PPP1R12A: variants seen among roughly 807,000 people sequenced by gnomAD.
The protein encoded by PPP1R12A is protein phosphatase 1 regulatory subunit 12A, also known as myosin binding subunit.
In PPP1R12A, 19 loss-of-function variants were observed where a neutral mutation model predicts 139.6. The ratio of observed to expected loss-of-function variants is 0.14; its 90% CI spans 0.09 to 0.20. PPP1R12A has a LOEUF of 0.20. Ranked by LOEUF, PPP1R12A falls within the 10% of genes least tolerant of loss-of-function variation. PPP1R12A has a pLI of 1.00. For synonymous variants in PPP1R12A, 427 were observed against 420.6 expected (o/e 1.02, Z -0.19); for missense variants, 925 against 1,211.5 (o/e 0.76, Z 3.51).
chr12:79,825,647 A>T (rs1213828794), intron 5 of PPP1R12A, among the ~76,000 whole-genome samples: 3 of 151,826 alleles, frequency 2.0e-5, no homozygotes, highest in Admixed American at 6.6e-5. Flanking sequence ...CATGTTTTCT[A>T]GTACTAAATA....
chr12:79,863,591 C>G (rs1881600818), intron 2 of PPP1R12A, among the ~76,000 whole-genome samples: 1 of 119,424 alleles, frequency 8.4e-6, no homozygotes, highest in Non-Finnish European at 1.6e-5. Flanking sequence ...TGCAAAGACA[C>G]ATATAGGCTC....
Position 79,774,877 on chromosome 12 carries a change from CAAGT to C in PPP1R12A, c.*1048_*1051del, listed in dbSNP as rs1283013237. 2.0e-5 allele frequency: 3 copies of C among 152,304 alleles called. No individual in the cohort carries two copies. Among genetic ancestry groups the C allele is most frequent in the African/African-American group, 7.2e-5 (3 of 41,412 alleles). The allele number at this position is 152,304 out of a possible 1,614,324, so 9.4% of individuals were successfully genotyped here. A position where few individuals can be genotyped will look rare whatever the true frequency, so the allele number is the denominator to read the frequency against. The stretch of plus-strand genomic sequence containing the variant: ...AACTTTAATTATGGTTGAGTACTAT[CAAGT>C]GAAAACTGAAAATAAAAGCACTTTA... On this transcript the variant is annotated 3_prime_UTR_variant, in exon 25 of 25. Transcript: ENST00000450142.
intron 1 of PPP1R12A, among the ~76,000 whole-genome samples, chr12:79,881,069 C>T (rs1883594162): frequency 6.6e-6 from 1 of 152,110 alleles, no homozygotes; most frequent in Non-Finnish European, 1.5e-5. Context: ...ACTCCACAAA[C>T]CGGCAGTTCC....
intron 2 of PPP1R12A, among the ~76,000 whole-genome samples, chr12:79,856,952 G>A (rs1291471262): frequency 6.6e-6 from 1 of 152,210 alleles, no homozygotes; most frequent in African/African-American, 2.4e-5. Flanking sequence ...TATAAATACA[G>A]TGGTAGCCAG....
intron 22 of PPP1R12A, among the ~76,000 whole-genome samples, chr12:79,785,551 T>C (rs1308117402): frequency 6.6e-6 from 1 of 152,176 alleles, no homozygotes; most frequent in Non-Finnish European, 1.5e-5. Flanking sequence ...TTTAGATCCA[T>C]GCTTTCAGCT....
intron 1 of PPP1R12A, among the ~76,000 whole-genome samples, chr12:79,899,451 C>T (rs1388048728): frequency 6.6e-6 from 1 of 151,898 alleles, no homozygotes; most frequent in African/African-American, 2.4e-5. Flanking sequence ...AAATGAGTGG[C>T]CATTCTAAAA....
chr12:79,907,368 T>TG (rs1285283296), intron 1 of PPP1R12A, among the ~76,000 whole-genome samples: 4 of 151,904 alleles, frequency 2.6e-5, no homozygotes, highest in African/African-American at 9.7e-5. Context: ...CTTTAAAAAT[T>TG]GGGGGGGAAA....
At chr12:79,910,839 G>C (rs1018959116) in intron 1 of PPP1R12A, among the ~76,000 whole-genome samples, 1 of 152,142 alleles carries the variant, frequency 6.6e-6, no homozygotes, top group Non-Finnish European at 1.5e-5. Flanking sequence ...TTACTGATTT[G>C]AAAAGGGAAA....
At chr12:79,807,085 A>G (rs1439826226) in intron 12 of PPP1R12A, 141 bp downstream of exon 12, 3 of 532,874 alleles carry the variant, frequency 5.6e-6, no homozygotes, top group Admixed American at 7.4e-5. Context: ...CTGTGTTTAG[A>G]GTAAGTTTTA....
At chr12:79,932,059 A>C (rs1218490975) in intron 1 of PPP1R12A, among the ~76,000 whole-genome samples, 1 of 152,198 alleles carries the variant, frequency 6.6e-6, no homozygotes, top group African/African-American at 2.4e-5. Flanking sequence ...TCTCTTGACA[A>C]TGAAATTTAG....
At chr12:79,804,959 G>A (rs534394778) in intron 14 of PPP1R12A, among the ~76,000 whole-genome samples, 2 of 152,286 alleles carry the variant, frequency 1.3e-5, no homozygotes, top group South Asian at 2.1e-4. Flanking sequence ...TTCCATGCCA[G>A]TAGGCAGCAA....
rs116419043 is a variant in PPP1R12A at position 79,815,515 on chromosome 12, C to T, written c.1239+1879G>A. 5.1e-3 allele frequency among the ~76,000 whole-genome samples: 757 copies of T among 149,312 alleles called. 4 individuals are homozygous for T. Among genetic ancestry groups the T allele is most frequent in the African/African-American group, 0.018 (721 of 40,448 alleles). On this transcript the variant is annotated intron_variant, in intron 9 of 24. Transcript: ENST00000450142. Reference sequence around the variant, plus strand: ...CAGCCTGGGTGACAGAGCAAGACTGCCTCAAAAAGAAAAAAAAAAAAAAAG... The same window carrying T: ...CAGCCTGGGTGACAGAGCAAGACTGTCTCAAAAAGAAAAAAAAAAAAAAAG...
rs1427312866 is a variant in PPP1R12A, at chr12:79,805,702, C to G, written c.1890G>C (p.Val630=). 3 of 1,613,520 alleles carry G rather than the reference C, an allele frequency of 1.9e-6. No homozygotes were observed. The highest frequency in any genetic ancestry group is 1.3e-5 in the African/African-American group (1 of 75,038). ...EKEKDSVPTA[V]TIPVAPTVVN... The stretch of plus-strand genomic sequence containing the variant: ...CAACAGTTGGAGCAACAGGAATGGT[C>G]ACTGCCGTAGGAACACTGTCCTTTT... Residue 630 remains valine (V), a synonymous_variant, in exon 14 of 25, where the codon GTG becomes GTC. Transcript: ENST00000450142.
chr12:79,927,412 T>C (rs1189738733), intron 1 of PPP1R12A, among the ~76,000 whole-genome samples: 4 of 152,222 alleles, frequency 2.6e-5, no homozygotes, highest in African/African-American at 9.6e-5. Context: ...CTGAGATTAA[T>C]TTAGATACAG....
intron 22 of PPP1R12A, chr12:79,782,100 G>T: frequency 6.5e-6 from 2 of 307,386 alleles, no homozygotes; most frequent in Non-Finnish European, 1.2e-5. Flanking sequence ...TTTTCCCCAG[G>T]AACTTTCATA....
intron 4 of PPP1R12A, 43 bp from the exon 5 acceptor site, chr12:79,828,507 A>T: frequency 7.1e-7 from 1 of 1,411,072 alleles, no homozygotes; most frequent in Non-Finnish European, 9.6e-7. Context: ...AAAATCTAGA[A>T]ATAAATGATC....
chr12:79,797,284 G>C lies in PPP1R12A; in HGVS notation c.2203C>G (p.Gln735Glu). 3 of 1,587,998 alleles carry C rather than the reference G, an allele frequency of 1.9e-6. No individual in the cohort carries two copies. The South Asian group carries it at 3.4e-5, about 18-fold the overall frequency. Residue 735 changes from glutamine to glutamate, a missense_variant, in exon 16 of 25, where the codon CAA becomes GAA. By Grantham distance (29) the Gln-to-Glu change is conservative. This residue lies in a region of PPP1R12A where 315 missense variants were observed against 363.4 expected (regional missense o/e 0.87). Coordinates refer to ENST00000450142, the MANE Select transcript of PPP1R12A (RefSeq NM_002480.3). Reference protein sequence around the residue: ...EEKEKEEKEKQDKEKQEEKKE... With the variant: ...EEKEKEEKEKEDKEKQEEKKE... ...TTTTCTTCTTGTTTCTCTTTATCTTGTTTCTCTTTTTCCTCTTTTTCTTTT... is the reference window on the plus strand; with the variant it reads ...TTTTCTTCTTGTTTCTCTTTATCTTCTTTCTCTTTTTCCTCTTTTTCTTTT...
At chr12:79,816,401 G>A (rs1875388782) in intron 9 of PPP1R12A, among the ~76,000 whole-genome samples, 1 of 151,778 alleles carries the variant, frequency 6.6e-6, no homozygotes, top group Non-Finnish European at 1.5e-5. Flanking sequence ...AATTTTTCAA[G>A]GGTTTGGTTA....
In PPP1R12A at chr12:79,820,864, C is replaced by A. The variant is rs1478198064; in HGVS notation, c.1024G>T (p.Val342Phe). ...SRIESLEQEK[V>F]DEEEEGKKDE... Reference sequence around the variant, plus strand: ...TTCTTTCCTTCTTCTTCTTCATCAACCTTTTCTTGTTCCAGAGATTCAATA... The same window carrying A: ...TTCTTTCCTTCTTCTTCTTCATCAAACTTTTCTTGTTCCAGAGATTCAATA... The change falls in exon 8 of 25, where the codon GTT becomes TTT. Residue 342 changes from valine (V) to phenylalanine (F), a missense_variant. Physicochemically the swap from Val to Phe is conservative, Grantham distance 50 (BLOSUM62 -1). Coordinates refer to ENST00000450142, the MANE Select transcript of PPP1R12A (RefSeq NM_002480.3). 4.3e-6 allele frequency: 7 copies of A among 1,613,656 alleles called. No homozygotes were observed. The highest frequency in any genetic ancestry group is 1.1e-5 in the South Asian group (1 of 91,082).
Sources: gnomAD v4.1 joint callset for allele counts (sites outside exome capture counted in the v4.1 genomes callset) on GRCh38, gnomAD v4.1.1 for gene constraint, gnomAD v4.1.1 regional missense constraint, MANE v1.5 for transcripts, NCBI Gene and HGNC (gene_info 2026-07-23, HGNC 2026-07-21) for gene names.